LARGE1: variants seen among roughly 807,000 people sequenced by gnomAD.
LARGE1 encodes LARGE xylosyl- and glucuronyltransferase 1.
Under a neutral mutation model 87.6 loss-of-function variants are expected in LARGE1, and 43 were observed. That is an observed-to-expected ratio of 0.49 (90% CI 0.38 to 0.63). The LOEUF is 0.63. LARGE1 is among the 30% of genes least tolerant of loss of function. The pLI, the probability that LARGE1 is intolerant of heterozygous loss-of-function variation, is 0.00. For missense variants in LARGE1, 802 were observed against 1,000.2 expected (o/e 0.80, Z 2.67); for synonymous variants, 434 against 394.6 (o/e 1.10, Z -1.18).
At chr22:33,259,564 CTT>C (rs1927513083) in intron 11 of LARGE1, among the ~76,000 whole-genome samples, 2 of 152,170 alleles carry the variant, frequency 1.3e-5, no homozygotes, top group South Asian at 4.1e-4. Flanking sequence ...CAAACAATGT[CTT>C]GACATTTCTG....
At chr22:33,651,330 TGCAGTGAGCCGAGATC>T (rs2080805732) in intron 2 of LARGE1, among the ~76,000 whole-genome samples, 1 of 134,914 alleles carries the variant, frequency 7.4e-6, no homozygotes, top group Admixed American at 8.2e-5. Context: ...AGGCGGAGCT[TGCAGTGAGCCGAGATC>T]GCACCACTGC....
rs543909992 is a variant in LARGE1, at chr22:33,768,684, C to G, written c.-82-7126G>C. On this transcript the variant is annotated intron_variant, in intron 1 of 14. Transcript: ENST00000397394. The stretch of plus-strand genomic sequence containing the variant: ...GTGCATTACTTGATCTCTCTTCATT[C>G]GACTAAAACCCCTTCTGGGCAAAGG... Among the ~76,000 whole-genome samples, 8 of 152,278 alleles carry G rather than the reference C, an allele frequency of 5.3e-5. No homozygotes were observed. The South Asian group carries it at 1.0e-3, about 20-fold the overall frequency.
At position 33,214,179 on chromosome 22, in the gene LARGE1, G is replaced by A. The variant is rs569143506; in HGVS notation, c.1731-47347C>T. Among the ~76,000 whole-genome samples, 10 of 152,236 alleles carry A rather than the reference G, an allele frequency of 6.6e-5. No individual in the cohort carries two copies. The South Asian group carries it at 1.4e-3, about 22-fold the overall frequency. On this transcript the variant is annotated intron_variant, in intron 11 of 11. Coordinates refer to the LARGE1 transcript ENST00000608642. The stretch of plus-strand genomic sequence containing the variant: ...TAGAAATTTATTTCTCACAGTTCTG[G>A]AGGCTACAAGTCCAAGATCAAGGTG...
intron 2 of LARGE1, among the ~76,000 whole-genome samples, chr22:33,676,001 TTTC>T (rs1330922932): frequency 1.9e-5 from 2 of 105,264 alleles, no homozygotes; most frequent in Non-Finnish European, 3.7e-5. Flanking sequence ...GCCTGGAGGT[TTTC>T]TTTTTTTTTT....
chr22:33,389,638 A>G (rs1208845950), intron 7 of LARGE1, among the ~76,000 whole-genome samples: 65 of 152,328 alleles, frequency 4.3e-4, no homozygotes, highest in Non-Finnish European at 3.1e-4. Flanking sequence ...TGAGGTCAGG[A>G]GTTTGAGACC....
chr22:33,285,316 C>T (rs1931315079), intron 12 of LARGE1, among the ~76,000 whole-genome samples: 1 of 152,124 alleles, frequency 6.6e-6, no homozygotes, highest in Non-Finnish European at 1.5e-5. Flanking sequence ...AGCAGCAGCC[C>T]TCCTTGGCCA....
chr22:33,818,991 C>T (rs769333152), intron 1 of LARGE1, among the ~76,000 whole-genome samples: 8 of 152,184 alleles, frequency 5.3e-5, no homozygotes, highest in African/African-American at 9.7e-5. Context: ...ATCCCAGAAA[C>T]GGGTGCCTAA....
intron 5 of LARGE1, 81 bp downstream of exon 5, chr22:33,604,354 A>G: frequency 6.3e-7 from 1 of 1,579,860 alleles, no homozygotes; most frequent in Admixed American, 1.7e-5. Flanking sequence ...GATTTCTGGC[A>G]TTGCTACAGT....
chr22:33,648,978 T>C (rs748850164), intron 3 of LARGE1, among the ~76,000 whole-genome samples: 1 of 152,090 alleles, frequency 6.6e-6, no homozygotes, highest in African/African-American at 2.4e-5. Flanking sequence ...GATGATGGAG[T>C]AGAACCACCT....
intron 7 of LARGE1, among the ~76,000 whole-genome samples, chr22:33,422,022 G>A (rs2066712217): frequency 1.3e-5 from 2 of 152,244 alleles, no homozygotes; most frequent in Admixed American, 1.3e-4. Flanking sequence ...TCAGCTGGCC[G>A]ACTACTCTCT....
chr22:33,601,323 C>T (rs1180795532), intron 5 of LARGE1, among the ~76,000 whole-genome samples: 2 of 151,738 alleles, frequency 1.3e-5, no homozygotes, highest in African/African-American at 4.8e-5. Flanking sequence ...GGTGGAGCCA[C>T]GCTAGGGTGT....
chr22:33,241,035 C>A (rs2145685917), intron 11 of LARGE1, among the ~76,000 whole-genome samples: 1 of 152,286 alleles, frequency 6.6e-6, no homozygotes, highest in Non-Finnish European at 1.5e-5. Flanking sequence ...ATTATAATTT[C>A]TCTGGCTTGG....
intron 2 of LARGE1, among the ~76,000 whole-genome samples, chr22:33,747,207 CGAG>C (rs941220668): frequency 4.6e-5 from 7 of 152,078 alleles, no homozygotes; most frequent in African/African-American, 1.7e-4. Context: ...CTAAGCTTCC[CGAG>C]GAGAGGAGAG....
In LARGE1 at chr22:33,290,295, C is replaced by T. The variant is rs747239174; in HGVS notation, c.1731-6947G>A. 1.3e-4 allele frequency among the ~76,000 whole-genome samples: 20 copies of T among 152,214 alleles called. No homozygotes were observed. In the South Asian group the frequency reaches 1.5e-3, roughly 11 times the overall value. On this transcript the variant is annotated intron_variant, in intron 12 of 14. Transcript: ENST00000397394. Reference sequence around the variant, plus strand: ...AAGTGTCTCGGAAGACATAAGGAAACGCCGTGCACTGCCTAGTTCTGACAA... The same window carrying T: ...AAGTGTCTCGGAAGACATAAGGAAATGCCGTGCACTGCCTAGTTCTGACAA...
intron 5 of LARGE1, among the ~76,000 whole-genome samples, chr22:33,591,850 A>G (rs1281445022): frequency 6.7e-6 from 1 of 148,656 alleles, no homozygotes; most frequent in African/African-American, 2.5e-5. Flanking sequence ...TCCAAAAAAA[A>G]AAAAAAAATT....
At chr22:33,071,897 T>G in the LARGE1 span, among the ~76,000 whole-genome samples, 1 of 152,202 alleles carries the variant, frequency 6.6e-6, no homozygotes, top group Non-Finnish European at 1.5e-5. Context: ...TGGCTGTTCC[T>G]GACTCTTCCC....
intron 5 of LARGE1, among the ~76,000 whole-genome samples, chr22:33,584,219 T>C (rs1035810508): frequency 2.6e-5 from 4 of 152,206 alleles, no homozygotes; most frequent in Non-Finnish European, 5.9e-5. Flanking sequence ...TTCTCTTCTT[T>C]GGGCAACGAA....
At chr22:33,336,442 C>T (rs924823330) in intron 10 of LARGE1, among the ~76,000 whole-genome samples, 9 of 152,062 alleles carry the variant, frequency 5.9e-5, no homozygotes, top group Non-Finnish European at 1.3e-4. Context: ...TCAAGTGATC[C>T]GCCTGCCTCA....
At chr22:33,417,507 T>C (rs1383528546) in intron 7 of LARGE1, among the ~76,000 whole-genome samples, 3 of 152,240 alleles carry the variant, frequency 2.0e-5, no homozygotes, top group East Asian at 3.9e-4. Flanking sequence ...GGAACTTTCA[T>C]TCTTGTGGGA....
Sources: gnomAD v4.1 joint callset for allele counts (sites outside exome capture counted in the v4.1 genomes callset) on GRCh38, gnomAD v4.1.1 for gene constraint, MANE v1.5 for transcripts, NCBI Gene and HGNC (gene_info 2026-07-23, HGNC 2026-07-21) for gene names.